Variants in RERE observed in about 807,000 individuals in gnomAD.
RERE encodes the protein arginine-glutamic acid dipeptide repeats.
Under a neutral mutation model 146.1 loss-of-function variants are expected in RERE, and 40 were observed. That is an observed-to-expected ratio of 0.27 (90% CI 0.21 to 0.36). The LOEUF (loss-of-function observed/expected upper bound fraction) is 0.36. Among genes scored for constraint, RERE ranks in the 10% least tolerant of loss-of-function variants. RERE has a pLI of 1.00. For synonymous variants in RERE, 1,003 were observed against 866.0 expected, an observed-to-expected ratio of 1.16 and a Z score of -2.78; for missense variants, 1,933 against 2,138.7, an observed-to-expected ratio of 0.90 and a Z score of 1.90.
At chr1:8,596,655 C>G (rs1197282829) in intron 4 of RERE, among the ~76,000 whole-genome samples, 2 of 145,746 alleles carry the variant, frequency 1.4e-5, no homozygotes, top group African/African-American at 5.0e-5. Flanking sequence ...ACTATAGCCA[C>G]AAGCTACCAT....
intron 4 of RERE, among the ~76,000 whole-genome samples, chr1:8,578,300 C>T (rs973408441): frequency 3.3e-5 from 5 of 152,120 alleles, no homozygotes; most frequent in Non-Finnish European, 2.9e-5. Context: ...TGATGGCAGA[C>T]CTCCTTACAC....
intron 12 of RERE, among the ~76,000 whole-genome samples, chr1:8,399,918 G>C (rs1487645700): frequency 6.6e-6 from 1 of 151,352 alleles, no homozygotes; most frequent in Non-Finnish European, 1.5e-5. Context: ...TTAAGAGACA[G>C]AGTCTCACTA....
At chr1:8,640,572 G>A (rs1647163669) in intron 2 of RERE, among the ~76,000 whole-genome samples, 1 of 152,170 alleles carries the variant, frequency 6.6e-6, no homozygotes, top group Non-Finnish European at 1.5e-5. Context: ...CAGTGGTGGA[G>A]TATCTTTCAT....
intron 1 of RERE, among the ~76,000 whole-genome samples, chr1:8,749,817 G>A (rs762755689): frequency 1.3e-5 from 2 of 152,150 alleles, no homozygotes; most frequent in Non-Finnish European, 2.9e-5. Flanking sequence ...GGTGATCTAT[G>A]TTTCTGAAAA....
chr1:8,562,716 G>A (rs962016175), intron 4 of RERE, among the ~76,000 whole-genome samples: 2 of 152,080 alleles, frequency 1.3e-5, no homozygotes, highest in Non-Finnish European at 2.9e-5. Context: ...CATCCAATCT[G>A]CTTAACAATA....
intron 1 of RERE, among the ~76,000 whole-genome samples, chr1:8,756,030 T>C (rs887736633): frequency 6.6e-5 from 10 of 152,146 alleles, no homozygotes; most frequent in African/African-American, 2.2e-4. Context: ...GTGTGGTGGC[T>C]ATAGCTGTAA....
At chr1:8,580,210 C>T (rs1398163451) in intron 4 of RERE, among the ~76,000 whole-genome samples, 1 of 152,142 alleles carries the variant, frequency 6.6e-6, no homozygotes, top group Non-Finnish European at 1.5e-5. Context: ...GGCAAACTTA[C>T]ATGAAGAAAG....
intron 4 of RERE, among the ~76,000 whole-genome samples, chr1:8,596,712 A>G (rs1401214689): frequency 1.4e-5 from 2 of 146,274 alleles, no homozygotes; most frequent in African/African-American, 5.1e-5. Flanking sequence ...GGTCTTGCTA[A>G]GTTGCCAGGG....
intron 1 of RERE, among the ~76,000 whole-genome samples, chr1:8,756,487 T>C (rs1393726394): frequency 2.0e-4 from 31 of 152,188 alleles, no homozygotes; most frequent in Admixed American, 2.0e-3. Flanking sequence ...GAGCATGCCA[T>C]ATAATAAATT....
intron 1 of RERE, among the ~76,000 whole-genome samples, chr1:8,727,200 T>C (rs1482125481): frequency 6.6e-6 from 1 of 152,186 alleles, no homozygotes; most frequent in Non-Finnish European, 1.5e-5. Flanking sequence ...TGGAGTGCAG[T>C]GGCGCGATCT....
chr1:8,680,634 G>C (rs1219796689), intron 1 of RERE, among the ~76,000 whole-genome samples: 1 of 152,084 alleles, frequency 6.6e-6, no homozygotes, highest in East Asian at 1.9e-4. Context: ...CAGAACTGTG[G>C]GCTTCAGGGT....
intron 11 of RERE, among the ~76,000 whole-genome samples, chr1:8,453,309 C>CA (rs1179843411): frequency 2.0e-5 from 3 of 152,100 alleles, no homozygotes; most frequent in African/African-American, 7.2e-5. Context: ...AGTAGGATCC[C>CA]AAAAATCCAG....
chr1:8,550,140 T>C (rs982090355), intron 6 of RERE, among the ~76,000 whole-genome samples: 4 of 152,190 alleles, frequency 2.6e-5, no homozygotes, highest in Admixed American at 1.3e-4. Context: ...GAGGGATATA[T>C]TGAACCTGAG....
chr1:8,398,533 A>G (rs1387494580), intron 12 of RERE, among the ~76,000 whole-genome samples: 1 of 152,204 alleles, frequency 6.6e-6, no homozygotes, highest in Non-Finnish European at 1.5e-5. Context: ...TTGGCAATTA[A>G]TCACGTAGTG....
intron 12 of RERE, among the ~76,000 whole-genome samples, chr1:8,375,803 C>T (rs1264468186): frequency 6.6e-6 from 1 of 151,054 alleles, no homozygotes; most frequent in East Asian, 1.9e-4. Context: ...CTTCCTCACT[C>T]AGCAGCCACT....
chr1:8,653,771 A>G (rs755790138), intron 2 of RERE, among the ~76,000 whole-genome samples: 2 of 152,106 alleles, frequency 1.3e-5, no homozygotes, highest in Non-Finnish European at 2.9e-5. Context: ...CGCCCTAAAC[A>G]AGCAATCTGT....
intron 11 of RERE, among the ~76,000 whole-genome samples, chr1:8,457,422 C>T (rs1040797104): frequency 1.5e-4 from 23 of 152,054 alleles, no homozygotes; most frequent in Non-Finnish European, 2.6e-4. Context: ...AAGGCAAGTG[C>T]AAAAACAAAA....
chr1:8,693,685 C>T (rs1234382351), intron 1 of RERE, among the ~76,000 whole-genome samples: 1 of 152,068 alleles, frequency 6.6e-6, no homozygotes, highest in Non-Finnish European at 1.5e-5. Context: ...TGTTATGAAA[C>T]ATTTCAAAAC....
intron 12 of RERE, among the ~76,000 whole-genome samples, chr1:8,393,020 A>C (rs1022418666): frequency 2.6e-5 from 4 of 152,156 alleles, no homozygotes; most frequent in Non-Finnish European, 5.9e-5. Context: ...ACCATGATGA[A>C]GTTTATCCTG....
Sources: gnomAD v4.1 joint callset for allele counts (sites outside exome capture counted in the v4.1 genomes callset) on GRCh38, gnomAD v4.1.1 for gene constraint, MANE v1.5 for transcripts, NCBI Gene and HGNC (gene_info 2026-07-23, HGNC 2026-07-21) for gene names.